The following CHSY3 variants were observed in gnomAD, a reference collection of about 807,000 sequenced individuals.
The protein encoded by CHSY3 is N-acetylgalactosaminyl-proteoglycan 3-beta-glucuronosyltransferase 3.
A neutral mutation model predicts 67.2 loss-of-function variants in CHSY3; 35 were observed. The ratio of observed to expected loss-of-function variants is 0.52; its 90% confidence interval spans 0.40 to 0.69. CHSY3 has a LOEUF of 0.69. CHSY3 is among the 30% of genes least tolerant of loss of function. The pLI is 0.00. For missense variants in CHSY3, 1,069 were observed against 1,138.5 expected (o/e 0.94, Z 0.88); for synonymous variants, 474 against 434.7 (o/e 1.09, Z -1.12).
At chr5:130,141,426 A>C in intron 2 of CHSY3, 1 of 366,886 alleles carries the variant, frequency 2.7e-6, no homozygotes, top group African/African-American at 2.1e-5. Flanking sequence ...CCTGCATCCC[A>C]TGGTGTTCCT....
chr5:129,977,982 A>G (rs1413804884), intron 2 of CHSY3, among the ~76,000 whole-genome samples: 1 of 152,040 alleles, frequency 6.6e-6, no homozygotes, highest in Non-Finnish European at 1.5e-5. Flanking sequence ...ATCAATCTGA[A>G]ACTTTCACCA....
chr5:130,126,102 A>C (rs1164426740), intron 2 of CHSY3, among the ~76,000 whole-genome samples: 1 of 152,040 alleles, frequency 6.6e-6, no homozygotes, highest in Non-Finnish European at 1.5e-5. Context: ...TAATAATCAC[A>C]TTTTGAGGTT....
chr5:130,141,248 C>A, intron 2 of CHSY3: 1 of 477,572 alleles, frequency 2.1e-6, no homozygotes, highest in South Asian at 1.8e-5. Context: ...CTGGTAGAGT[C>A]ATGACTGTCC....
chr5:130,092,749 G>T (rs1766920788), intron 2 of CHSY3, among the ~76,000 whole-genome samples: 1 of 152,148 alleles, frequency 6.6e-6, no homozygotes, highest in Non-Finnish European at 1.5e-5. Flanking sequence ...AGGTGCTGTG[G>T]CAGAGGAGAT....
chr5:130,107,210 C>T (rs1767438129), intron 2 of CHSY3, among the ~76,000 whole-genome samples: 1 of 151,222 alleles, frequency 6.6e-6, no homozygotes, highest in African/African-American at 2.4e-5. Context: ...TCATTCTTTA[C>T]TCTTCACCTA....
chr5:130,020,462 T>TATATATATATATATATATA (rs1491353527), intron 2 of CHSY3, among the ~76,000 whole-genome samples: 7 of 15,898 alleles, frequency 4.4e-4, no homozygotes, highest in African/African-American at 1.6e-3. Context: ...TATATATATA[T>TATATATATATATATATATA]TTTTTTTTTT....
At chr5:130,132,245 C>T (rs1768505387) in intron 2 of CHSY3, among the ~76,000 whole-genome samples, 1 of 152,150 alleles carries the variant, frequency 6.6e-6, no homozygotes, top group African/African-American at 2.4e-5. Context: ...CCACTTTCAA[C>T]TTTAAGCTCT....
chr5:130,152,130 C>A (rs538148843), intron 2 of CHSY3, among the ~76,000 whole-genome samples: 1 of 152,300 alleles, frequency 6.6e-6, no homozygotes, highest in East Asian at 1.9e-4. Flanking sequence ...GTCTGAAAAT[C>A]TGCATTTTTG....
At chr5:130,160,685 C>A (rs1561564048) in intron 2 of CHSY3, among the ~76,000 whole-genome samples, 2 of 152,078 alleles carry the variant, frequency 1.3e-5, no homozygotes, top group South Asian at 4.1e-4. Flanking sequence ...GGGACCTATG[C>A]TGCTTTCAAC....
At chr5:129,928,360 TAAAA>T (rs775611941) in intron 2 of CHSY3, among the ~76,000 whole-genome samples, 23 of 152,114 alleles carry the variant, frequency 1.5e-4, no homozygotes, top group Admixed American at 1.1e-3. Context: ...TATTTTTAAA[TAAAA>T]CAAGTTTTTT....
intron 2 of CHSY3, among the ~76,000 whole-genome samples, chr5:130,148,349 G>T (rs541392889): frequency 1.3e-5 from 2 of 152,194 alleles, no homozygotes; most frequent in East Asian, 3.9e-4. Context: ...TAATAGTGCC[G>T]CAGTGAACAC....
intron 2 of CHSY3, among the ~76,000 whole-genome samples, chr5:129,911,257 A>G (rs73239976): frequency 0.012 from 1,843 of 152,230 alleles, 36 homozygotes; most frequent in African/African-American, 0.04. Flanking sequence ...TAACTGCTAA[A>G]CTGAAATTAC....
intron 2 of CHSY3, among the ~76,000 whole-genome samples, chr5:129,982,543 T>G (rs1257119187): frequency 2.0e-5 from 3 of 152,108 alleles, no homozygotes; most frequent in African/African-American, 7.2e-5. Context: ...GCATATAATT[T>G]TCTTTTGTAC....
intron 2 of CHSY3, among the ~76,000 whole-genome samples, chr5:130,124,927 C>T (rs1343096376): frequency 6.6e-6 from 1 of 152,206 alleles, no homozygotes; most frequent in Non-Finnish European, 1.5e-5. Context: ...TCTTAAGGCA[C>T]CTCTCATATT....
chr5:129,987,275 A>T (rs1580616948), intron 2 of CHSY3, among the ~76,000 whole-genome samples: 1 of 152,162 alleles, frequency 6.6e-6, no homozygotes, highest in African/African-American at 2.4e-5. Flanking sequence ...ATGTTATGTT[A>T]TTGGTAGAAC....
intron 2 of CHSY3, among the ~76,000 whole-genome samples, chr5:129,941,084 G>A (rs765821917): frequency 1.3e-5 from 2 of 152,158 alleles, no homozygotes; most frequent in African/African-American, 2.4e-5. Context: ...AGCCGAGCAT[G>A]GTAGCACAGA....
intron 2 of CHSY3, among the ~76,000 whole-genome samples, chr5:129,996,476 G>A (rs1012818072): frequency 2.0e-5 from 3 of 152,150 alleles, no homozygotes; most frequent in Admixed American, 6.6e-5. Context: ...TCATCCAGCA[G>A]CATTTTAATA....
intron 2 of CHSY3, among the ~76,000 whole-genome samples, chr5:130,017,473 G>A (rs1251697524): frequency 6.6e-6 from 1 of 152,072 alleles, no homozygotes; most frequent in Non-Finnish European, 1.5e-5. Context: ...GGGTAGGGAA[G>A]GCTGGGGTAG....
At chr5:130,030,515 G>C (rs761027600) in intron 2 of CHSY3, among the ~76,000 whole-genome samples, 2 of 152,124 alleles carry the variant, frequency 1.3e-5, no homozygotes, top group Non-Finnish European at 2.9e-5. Context: ...CTGGTGCTTA[G>C]AACATTATTC....
Sources: allele counts gnomAD v4.1 joint callset (sites outside exome capture counted in the v4.1 genomes callset), GRCh38; gene constraint gnomAD v4.1.1; transcripts MANE v1.5; gene names NCBI Gene and HGNC (gene_info 2026-07-23, HGNC 2026-07-21).